GALNT16: variants seen among roughly 807,000 people sequenced by gnomAD.
GALNT16 encodes the protein UDP-GalNAc:polypeptide N-acetylgalactosaminyltransferase-like protein 1.
A neutral mutation model predicts 76.1 loss-of-function variants in GALNT16; 40 were observed. The observed-to-expected ratio is 0.53, with a 90% CI of 0.41 to 0.68. The LOEUF is 0.68. GALNT16 is among the 30% of genes least tolerant of loss of function. The probability of loss-of-function intolerance (pLI) is 0.00; values close to 1 mark genes in which losing one functional copy is unlikely to be tolerated. For synonymous variants in GALNT16, 276 were observed against 285.2 expected, an observed-to-expected ratio of 0.97 and a Z score of 0.32; for missense variants, 621 against 731.9, an observed-to-expected ratio of 0.85 and a Z score of 1.75.
the GALNT16 span, among the ~76,000 whole-genome samples, chr14:69,383,904 T>C: frequency 0.017 from 2,520 of 152,280 alleles, 39 homozygotes; most frequent in Non-Finnish European, 0.024. Context: ...TATCACTCCT[T>C]GGGGAGGCTG....
At chr14:69,269,891 G>A (rs547920643) in intron 1 of GALNT16, among the ~76,000 whole-genome samples, 4 of 151,986 alleles carry the variant, frequency 2.6e-5, no homozygotes, top group Admixed American at 6.6e-5. Context: ...TGCCTGAAGC[G>A]ATGTAAAAGG....
At chr14:69,347,742 A>G (rs1190416969) in intron 13 of GALNT16, 135 bp from the exon 14 acceptor site, 5 of 917,618 alleles carry the variant, frequency 5.4e-6, no homozygotes, top group Non-Finnish European at 8.4e-6. Context: ...ATACCCATAC[A>G]TCTACCCTAG....
chr14:69,315,255 C>T lies in GALNT16; in HGVS notation c.178-5456C>T, dbSNP rs141633619. On this transcript the variant is annotated intron_variant, in intron 1 of 14. Transcript: ENST00000448469. ...TGTCCAAGGTGAGACAGTAATTCTT[C>T]CCATTTTATAGAAAAAAGTCATTAT... 3.5e-4 allele frequency among the ~76,000 whole-genome samples: 54 copies of T among 152,304 alleles called. No homozygotes were observed. In the East Asian group the frequency reaches 9.6e-3, roughly 27 times the overall value.
the GALNT16 span, among the ~76,000 whole-genome samples, chr14:69,374,555 CTG>C: frequency 1.3e-5 from 2 of 152,188 alleles, no homozygotes; most frequent in Non-Finnish European, 2.9e-5. Context: ...AAATTGTAGA[CTG>C]TGAGTCCACC....
intron 1 of GALNT16, among the ~76,000 whole-genome samples, chr14:69,302,525 AGTAATGG>A (rs2044868998): frequency 6.6e-6 from 1 of 152,236 alleles, no homozygotes; most frequent in African/African-American, 2.4e-5. Context: ...AACTTTGTTT[AGTAATGG>A]AACCCTTATT....
At chr14:69,302,667 A>G (rs562458809) in intron 1 of GALNT16, among the ~76,000 whole-genome samples, 28 of 152,346 alleles carry the variant, frequency 1.8e-4, no homozygotes, top group African/African-American at 6.5e-4. Flanking sequence ...ATGAATTTTA[A>G]TGGCTATATT....
At chr14:69,363,080 G>C in the GALNT16 span, among the ~76,000 whole-genome samples, 1 of 152,240 alleles carries the variant, frequency 6.6e-6, no homozygotes. Context: ...CAGGAAGAGT[G>C]GTTCTGTTTG....
At chr14:69,383,809 A>G in the GALNT16 span, among the ~76,000 whole-genome samples, 135 of 152,322 alleles carry the variant, frequency 8.9e-4, 1 homozygote, top group African/African-American at 3.2e-3. Context: ...ATATTGTATT[A>G]AAAATCAGTT....
At chr14:69,296,087 T>G (rs1260788131) in intron 1 of GALNT16, among the ~76,000 whole-genome samples, 1 of 152,196 alleles carries the variant, frequency 6.6e-6, no homozygotes, top group Non-Finnish European at 1.5e-5. Flanking sequence ...AAGCTTCTGC[T>G]TCTGGAGAGG....
intron 1 of GALNT16, among the ~76,000 whole-genome samples, chr14:69,273,448 CGG>C (rs1166446542): frequency 6.6e-6 from 1 of 152,088 alleles, no homozygotes. Context: ...CCAGGCTGAG[CGG>C]GAAAGAGGCT....
chr14:69,371,763 G>A, the GALNT16 span, among the ~76,000 whole-genome samples: 1 of 151,246 alleles, frequency 6.6e-6, no homozygotes, highest in Non-Finnish European at 1.5e-5. Context: ...GGCCAATATG[G>A]TGAAACCCCA....
the GALNT16 span, chr14:69,380,330 A>T: frequency 3.8e-6 from 1 of 265,068 alleles, no homozygotes; most frequent in Non-Finnish European, 7.1e-6. Context: ...TGTTTAAGTA[A>T]AAAAAAAAAA....
At chr14:69,278,550 T>G (rs965452358) in intron 1 of GALNT16, among the ~76,000 whole-genome samples, 2 of 152,256 alleles carry the variant, frequency 1.3e-5, no homozygotes, top group South Asian at 2.1e-4. Context: ...ATCATAATCT[T>G]CTTCCAAATA....
At chr14:69,321,148 T>C (rs1339388396) in intron 2 of GALNT16, among the ~76,000 whole-genome samples, 1 of 152,054 alleles carries the variant, frequency 6.6e-6, no homozygotes, top group Non-Finnish European at 1.5e-5. Flanking sequence ...CCAAAGGAGG[T>C]CCGTGGCAGT....
chr14:69,350,950 C>T (rs2045628257), intron 14 of GALNT16: 1 of 152,408 alleles, frequency 6.6e-6, no homozygotes, highest in Admixed American at 6.5e-5. Context: ...ACACTCCATC[C>T]TCCACCCAGG....
chr14:69,320,685 C>A, intron 1 of GALNT16, 26 bp from the exon 2 acceptor site: 1 of 1,605,026 alleles, frequency 6.2e-7, no homozygotes, highest in Non-Finnish European at 8.5e-7. Context: ...GCCTGTGGTC[C>A]TCTCTGATGC....
intron 1 of GALNT16, among the ~76,000 whole-genome samples, chr14:69,312,908 A>T (rs951662487): frequency 6.6e-6 from 1 of 152,166 alleles, no homozygotes; most frequent in Non-Finnish European, 1.5e-5. Flanking sequence ...TCTGAGCCAC[A>T]AGCTGGTCTG....
chr14:69,325,437 A>C (rs752848451), intron 4 of GALNT16, 33 bp downstream of exon 4: 1 of 1,270,008 alleles, frequency 7.9e-7, no homozygotes, highest in South Asian at 1.2e-5. Flanking sequence ...GCAGCCCTCC[A>C]TTCCGCCCTC....
chr14:69,311,245 A>AGAG (rs1371622937), intron 1 of GALNT16, among the ~76,000 whole-genome samples: 1 of 152,214 alleles, frequency 6.6e-6, no homozygotes, highest in Non-Finnish European at 1.5e-5. Flanking sequence ...TGTGTATTCC[A>AGAG]GAGGGGACAA....
Sources: gnomAD v4.1 joint callset for allele counts (sites outside exome capture counted in the v4.1 genomes callset) on GRCh38, gnomAD v4.1.1 for gene constraint, MANE v1.5 for transcripts, NCBI Gene and HGNC (gene_info 2026-07-23, HGNC 2026-07-21) for gene names.